The following DOC2B variants were observed in gnomAD, a reference collection of about 807,000 sequenced individuals.
The protein encoded by DOC2B is double C2-like domain-containing protein beta.
DOC2B carries 21 observed loss-of-function variants against 28.9 expected under a neutral mutation model. That is an observed-to-expected ratio of 0.73 (90% CI 0.52 to 1.05). The LOEUF (loss-of-function observed/expected upper bound fraction) is 1.05. Ranked by LOEUF, DOC2B falls within the 50% of genes least tolerant of loss-of-function variation. The pLI is 0.00. For synonymous variants in DOC2B, 194 were observed against 178.1 expected, an observed-to-expected ratio of 1.09 and a Z score of -0.71; for missense variants, 384 against 421.1, an observed-to-expected ratio of 0.91 and a Z score of 0.77.
intron 7 of DOC2B, among the ~76,000 whole-genome samples, chr17:148,625 G>C (rs1042843912): frequency 1.3e-5 from 2 of 152,068 alleles, no homozygotes; most frequent in African/African-American, 2.4e-5. Flanking sequence ...TCCATCCGGG[G>C]TTCCCCTCAC....
At chr17:164,292 C>T (rs937048819) in intron 2 of DOC2B, 88 bp from the exon 3 acceptor site, 13 of 1,042,086 alleles carry the variant, frequency 1.2e-5, no homozygotes, top group African/African-American at 3.2e-5. Flanking sequence ...CCTGGGTCTC[C>T]TGGCTGGGCC....
At chr17:151,144 G>A (rs1023351510) in intron 6 of DOC2B, among the ~76,000 whole-genome samples, 1 of 152,140 alleles carries the variant, frequency 6.6e-6, no homozygotes, top group African/African-American at 2.4e-5. Context: ...GGTGGTGCAT[G>A]CCTGTAGTCC....
intron 8 of DOC2B, 97 bp from the exon 9 acceptor site, chr17:147,674 C>A: frequency 2.5e-6 from 1 of 398,526 alleles, no homozygotes; most frequent in Non-Finnish European, 4.4e-6. Flanking sequence ...CGAAGGCCAG[C>A]CTCTCCCACT....
intron 6 of DOC2B, among the ~76,000 whole-genome samples, chr17:153,246 GT>G (rs1555521984): frequency 2.0e-5 from 3 of 152,248 alleles, no homozygotes; most frequent in African/African-American, 7.2e-5. Flanking sequence ...GGAGGAGCTT[GT>G]GGTACAGTGG....
In DOC2B at chr17:147,418, G is replaced by T. The variant is rs1245176514; in HGVS notation, c.*23C>A. The T allele has an allele frequency of 5.0e-6, 2 of 398,772 alleles. No individual in the cohort carries two copies. The highest frequency in any genetic ancestry group is 8.8e-5 in the Admixed American group (2 of 22,722). The allele number at this position is 398,772 out of a possible 1,614,324, so 24.7% of individuals were successfully genotyped here. A position where few individuals can be genotyped will look rare whatever the true frequency, so the allele number is the denominator to read the frequency against. On this transcript the variant is annotated 3_prime_UTR_variant, in exon 9 of 9. Transcript: ENST00000613549. ...GCCGTGCTGGGCGCAGGTGGCGGCA[G>T]GGGTAGCAGTGGCGGGTGGGCGTCA...
rs1424970710 is a variant in DOC2B at position 143,471 on chromosome 17, G to C, written c.*3970C>G. Reference sequence around the variant, plus strand: ...CTACCTCAGCCTCCTGAAAAGCTGGGGCTACAGGTGTGTGCCACCACGCTA... The same window carrying C: ...CTACCTCAGCCTCCTGAAAAGCTGGCGCTACAGGTGTGTGCCACCACGCTA... On this transcript the variant is annotated 3_prime_UTR_variant, in exon 9 of 9. Transcript: ENST00000613549. 1 of 151,862 alleles carries C rather than the reference G, an allele frequency of 6.6e-6. No homozygotes were observed. The highest frequency in any genetic ancestry group is 1.5e-5 in the Non-Finnish European group (1 of 68,036). The allele number at this position is 151,862 out of a possible 1,614,324, so 9.4% of individuals were successfully genotyped here.
chr17:173,404 C>T (rs2040335194), intron 1 of DOC2B, among the ~76,000 whole-genome samples: 1 of 152,190 alleles, frequency 6.6e-6, no homozygotes, highest in South Asian at 2.1e-4. Flanking sequence ...TGGCAGTCCG[C>T]AGACAGCAAG....
intron 5 of DOC2B, among the ~76,000 whole-genome samples, chr17:160,471 C>T (rs1332817933): frequency 1.3e-5 from 2 of 152,208 alleles, no homozygotes; most frequent in African/African-American, 4.8e-5. Context: ...GGGCTAAGCT[C>T]GAGGTGAGTC....
Position 153,716 on chromosome 17 carries a change from A to T in DOC2B, c.923+2504T>A, listed in dbSNP as rs140627374. ...ACTCTGTCTCAAAAAAAAAAAAATC[A>T]CACCATTTTGGCTTCAGATTGCATA... On this transcript the variant is annotated intron_variant, in intron 6 of 8. Coordinates refer to ENST00000613549, the MANE Select transcript of DOC2B (RefSeq NM_003585.5). 7.8e-4 allele frequency among the ~76,000 whole-genome samples: 119 copies of T among 151,676 alleles called. 1 individual carries two copies. The highest frequency in any genetic ancestry group is 3.1e-3 in the Admixed American group (47 of 15,232).
At chr17:151,558 T>TA (rs1392239495) in intron 6 of DOC2B, among the ~76,000 whole-genome samples, 1 of 152,186 alleles carries the variant, frequency 6.6e-6, no homozygotes, top group Non-Finnish European at 1.5e-5. Context: ...AACCTGATTT[T>TA]AAAAAAGTTT....
rs947682652 is a variant in DOC2B, at chr17:147,271, G to A, written c.*170C>T. 5,596 of 395,706 alleles carry A rather than the reference G, an allele frequency of 0.014. 58 individuals carry two copies. The highest frequency in any genetic ancestry group is 0.019 in the Non-Finnish European group (4,375 of 224,732). 24.5% of individuals were successfully genotyped at this position (395,706 alleles called of 1,614,324 possible). A position where few individuals can be genotyped will look rare whatever the true frequency, so the allele number is the denominator to read the frequency against. Reference sequence around the variant, plus strand: ...CTCCTTGCCCTCCCCGTCCCAGAGTGGCTGAGCCCTCCACATCCTCCGAGC... The same window carrying A: ...CTCCTTGCCCTCCCCGTCCCAGAGTAGCTGAGCCCTCCACATCCTCCGAGC... On this transcript the variant is annotated 3_prime_UTR_variant, in exon 9 of 9. Transcript: ENST00000613549.
intron 2 of DOC2B, among the ~76,000 whole-genome samples, chr17:166,359 G>A (rs1366094249): frequency 2.0e-5 from 3 of 152,256 alleles, no homozygotes; most frequent in East Asian, 1.9e-4. Flanking sequence ...GGGGAAGGTC[G>A]GGAGGCTGTT....
intron 3 of DOC2B, 141 bp downstream of exon 3, chr17:163,989 G>A (rs2040233029): frequency 1.6e-6 from 1 of 644,308 alleles, no homozygotes; most frequent in Admixed American, 2.6e-5. Flanking sequence ...CAGCTTGCTT[G>A]GACTCTGAGG....
At chr17:153,418 A>T (rs2040094257) in intron 6 of DOC2B, among the ~76,000 whole-genome samples, 1 of 152,246 alleles carries the variant, frequency 6.6e-6, no homozygotes. Flanking sequence ...ATGTCACACC[A>T]TAGGCCGGGC....
At chr17:151,057 T>G (rs890800378) in intron 6 of DOC2B, among the ~76,000 whole-genome samples, 24 of 152,132 alleles carry the variant, frequency 1.6e-4, no homozygotes, top group Non-Finnish European at 3.5e-4. Context: ...ATTCTGGTGG[T>G]GGAAACAAGA....
At chr17:172,257 G>A (rs1223509075) in intron 2 of DOC2B, among the ~76,000 whole-genome samples, 1 of 150,392 alleles carries the variant, frequency 6.6e-6, no homozygotes, top group Admixed American at 6.6e-5. Context: ...CCTCTCAGCA[G>A]CCCCTCCCCA....
intron 6 of DOC2B, among the ~76,000 whole-genome samples, chr17:154,052 T>C (rs551762754): frequency 6.6e-6 from 1 of 152,348 alleles, no homozygotes; most frequent in East Asian, 1.9e-4. Context: ...TGGCCGTCTG[T>C]GTCTGGCTTC....
rs995510648 is a variant in DOC2B at position 146,973 on chromosome 17, C to G, written c.*468G>C. The G allele has an allele frequency of 6.4e-6, 1 of 155,764 alleles. No homozygotes were observed. The highest frequency in any genetic ancestry group is 1.4e-5 in the Non-Finnish European group (1 of 70,600). The allele number at this position is 155,764 out of a possible 1,614,324, so 9.6% of individuals were successfully genotyped here. ...CCCGCTTCTTCCATCTGTCCAGCAG[C>G]GAAGGAGATGAGGGATGCAGTTAGG... On this transcript the variant is annotated 3_prime_UTR_variant, in exon 9 of 9. Transcript: ENST00000613549.
chr17:156,561 C>T (rs2040138503), intron 5 of DOC2B, among the ~76,000 whole-genome samples, 184 bp from the exon 6 acceptor site: 1 of 152,182 alleles, frequency 6.6e-6, no homozygotes, highest in Non-Finnish European at 1.5e-5. Flanking sequence ...AGGGCTCTTC[C>T]AGGGCTGGAT....
Sources: gnomAD v4.1 joint callset for allele counts (sites outside exome capture counted in the v4.1 genomes callset) on GRCh38, gnomAD v4.1.1 for gene constraint, MANE v1.5 for transcripts, NCBI Gene and HGNC (gene_info 2026-07-23, HGNC 2026-07-21) for gene names.